The following VPS8 variants were observed in gnomAD, a reference collection of about 807,000 sequenced individuals.
VPS8 encodes the protein VPS8 subunit of CORVET complex, also known as vacuolar protein sorting-associated protein 8 homolog.
A neutral mutation model predicts 216.4 loss-of-function variants in VPS8; 129 were observed. The observed-to-expected ratio is 0.60, with a 90% CI of 0.52 to 0.69. VPS8 has a LOEUF of 0.69. VPS8 is among the 30% of genes least tolerant of loss of function. VPS8 has a pLI of 0.00. For missense variants in VPS8, 1,531 were observed against 1,683.5 expected (o/e 0.91, Z 1.59); for synonymous variants, 571 against 565.4 (o/e 1.01, Z -0.14).
At chr3:184,848,561 A>AT (rs1723601617) in intron 8 of VPS8, among the ~76,000 whole-genome samples, 4 of 90,462 alleles carry the variant, frequency 4.4e-5, no homozygotes, top group Non-Finnish European at 7.2e-5. Flanking sequence ...TTTTTCCTGT[A>AT]TTCTTTTTTT....
intron 42 of VPS8, among the ~76,000 whole-genome samples, chr3:184,992,783 T>G (rs1217903226): frequency 2.0e-5 from 3 of 152,152 alleles, no homozygotes; most frequent in African/African-American, 4.8e-5. Flanking sequence ...TAATTATTAG[T>G]CTAGCCAAAG....
intron 45 of VPS8, among the ~76,000 whole-genome samples, chr3:185,016,180 T>C (rs1755763698): frequency 6.6e-6 from 1 of 152,200 alleles, no homozygotes; most frequent in Non-Finnish European, 1.5e-5. Context: ...GAAAGCCATC[T>C]AATGTTTTCA....
At chr3:184,938,922 C>T (rs533816933) in intron 35 of VPS8, among the ~76,000 whole-genome samples, 33 of 149,620 alleles carry the variant, frequency 2.2e-4, no homozygotes, top group East Asian at 7.9e-4. Flanking sequence ...CCCAGCTGTA[C>T]GGGAGGCTGA....
intron 34 of VPS8, among the ~76,000 whole-genome samples, chr3:184,932,521 A>G (rs1008944855): frequency 6.6e-6 from 1 of 152,220 alleles, no homozygotes; most frequent in Non-Finnish European, 1.5e-5. Context: ...TAGGTCCTCA[A>G]CAAGAAATAT....
intron 21 of VPS8, among the ~76,000 whole-genome samples, chr3:184,884,422 A>G (rs1370965374): frequency 1.3e-5 from 2 of 152,054 alleles, no homozygotes; most frequent in Non-Finnish European, 2.9e-5. Flanking sequence ...TTATGGCTGC[A>G]TAGTATTTTC....
chr3:184,878,643 G>T (rs1454719342), intron 21 of VPS8, among the ~76,000 whole-genome samples: 1 of 152,222 alleles, frequency 6.6e-6, no homozygotes, highest in African/African-American at 2.4e-5. Context: ...GATTTGAGGA[G>T]AGGAAAAGAG....
chr3:185,042,096 C>T (rs1274442751), intron 46 of VPS8, among the ~76,000 whole-genome samples: 2 of 152,112 alleles, frequency 1.3e-5, no homozygotes, highest in Non-Finnish European at 2.9e-5. Flanking sequence ...TTCTTCCATC[C>T]TAATATTGAA....
intron 1 of VPS8, among the ~76,000 whole-genome samples, chr3:184,823,366 C>T (rs1718029964): frequency 1.3e-5 from 2 of 152,176 alleles, no homozygotes; most frequent in Non-Finnish European, 2.9e-5. Context: ...TTAAGTGGCT[C>T]AGTAATTACA....
At chr3:184,940,737 A>G (rs967255020) in intron 36 of VPS8, among the ~76,000 whole-genome samples, 5 of 152,202 alleles carry the variant, frequency 3.3e-5, no homozygotes, top group Admixed American at 1.3e-4. Flanking sequence ...TGTTTTTTCA[A>G]CAGCTACTCT....
chr3:184,867,728 C>G (rs1374263252), intron 17 of VPS8, among the ~76,000 whole-genome samples: 1 of 152,148 alleles, frequency 6.6e-6, no homozygotes. Context: ...TGCCTGTAAT[C>G]TCAGCTACTC....
At chr3:184,849,305 T>C in intron 9 of VPS8, 110 bp downstream of exon 9, 2 of 1,270,294 alleles carry the variant, frequency 1.6e-6, no homozygotes, top group Non-Finnish European at 2.1e-6. Context: ...AGTAATATGT[T>C]TGTAGAGCTA....
At position 184,926,588 on chromosome 3, in the gene VPS8, G is replaced by C. The variant is rs757302568; in HGVS notation, c.2575-6G>C. 6.3e-7 allele frequency: 1 copy of C among 1,592,690 alleles called. No homozygotes were observed. The highest frequency in any genetic ancestry group is 1.3e-5 in the African/African-American group (1 of 74,224). On this transcript the variant is annotated splice_polypyrimidine_tract_variant and splice_region_variant and intron_variant, in intron 30 of 47. Coordinates refer to ENST00000625842, the MANE Select transcript of VPS8 (RefSeq NM_001009921.3). ...ATCAAATAAAAAATACTTTTTCTTC[G>C]GCCAGGTCCTTGAATTCCTTTGTAG... is the stretch of plus-strand genomic sequence containing the variant.
At chr3:184,957,635 A>C in intron 37 of VPS8, 114 bp downstream of exon 37, 1 of 1,297,696 alleles carries the variant, frequency 7.7e-7, no homozygotes, top group Non-Finnish European at 1.0e-6. Context: ...AACCTTATAA[A>C]TTCTTAGTTG....
chr3:184,895,778 C>T (rs567885572), intron 23 of VPS8, among the ~76,000 whole-genome samples: 1 of 148,260 alleles, frequency 6.7e-6, no homozygotes, highest in Admixed American at 6.7e-5. Flanking sequence ...GGATTAAAGG[C>T]ATACGCTACT....
intron 46 of VPS8, among the ~76,000 whole-genome samples, chr3:185,042,374 C>G (rs910497826): frequency 3.3e-5 from 5 of 152,178 alleles, no homozygotes; most frequent in African/African-American, 1.2e-4. Context: ...ATAAATCTTT[C>G]TGGATTTTTT....
At chr3:184,896,973 G>A (rs1733611877) in intron 23 of VPS8, among the ~76,000 whole-genome samples, 1 of 152,070 alleles carries the variant, frequency 6.6e-6, no homozygotes, top group African/African-American at 2.4e-5. Flanking sequence ...ATTGTTATAG[G>A]TAAAAGCAAC....
intron 17 of VPS8, 100 bp from the exon 18 acceptor site, chr3:184,867,924 T>G: frequency 8.1e-7 from 1 of 1,230,488 alleles, no homozygotes; most frequent in Admixed American, 2.0e-5. Context: ...AATGTTTTAC[T>G]TAAAGGGATA....
At chr3:184,946,450 C>T (rs942374958) in intron 36 of VPS8, among the ~76,000 whole-genome samples, 2 of 152,226 alleles carry the variant, frequency 1.3e-5, no homozygotes, top group East Asian at 1.9e-4. Flanking sequence ...TTTCTCTCAC[C>T]GTCATCATCT....
intron 25 of VPS8, among the ~76,000 whole-genome samples, chr3:184,903,599 C>T (rs190202938): frequency 3.2e-4 from 49 of 151,290 alleles, no homozygotes; most frequent in South Asian, 1.5e-3. Context: ...CTACAGGCCA[C>T]CATGCCCTGC....
Sources: allele counts gnomAD v4.1 joint callset (sites outside exome capture counted in the v4.1 genomes callset), GRCh38; gene constraint gnomAD v4.1.1; transcripts MANE v1.5; gene names NCBI Gene and HGNC (gene_info 2026-07-23, HGNC 2026-07-21).